Variants in APBB2 observed in about 807,000 individuals in gnomAD.
The protein encoded by APBB2 is amyloid beta precursor protein binding family B member 2, also known as Fe65-like 1.
In APBB2, 38 loss-of-function variants were observed where a neutral mutation model predicts 82.5. The observed-to-expected ratio is 0.46, with a 90% CI of 0.36 to 0.60. The LOEUF is 0.60. Ranked by LOEUF, APBB2 falls within the 20% of genes least tolerant of loss-of-function variation. The pLI, the probability that APBB2 is intolerant of heterozygous loss-of-function variation, is 0.00. For missense variants in APBB2, 772 were observed against 972.3 expected (o/e 0.79, Z 2.74); for synonymous variants, 341 against 368.2 (o/e 0.93, Z 0.85).
At chr4:41,096,402 T>C (rs1227954783) in intron 3 of APBB2, among the ~76,000 whole-genome samples, 3 of 152,216 alleles carry the variant, frequency 2.0e-5, no homozygotes, top group Non-Finnish European at 2.9e-5. Context: ...CTTCCAAACT[T>C]ACTTGGGCGA....
intron 10 of APBB2, among the ~76,000 whole-genome samples, chr4:40,898,920 G>A (rs533663193): frequency 6.6e-6 from 1 of 151,534 alleles, no homozygotes; most frequent in Non-Finnish European, 1.5e-5. Flanking sequence ...TGATTCAGTA[G>A]GTCTGGGTAG....
chr4:40,819,615 A>T (rs1747105184), intron 17 of APBB2, among the ~76,000 whole-genome samples: 1 of 152,150 alleles, frequency 6.6e-6, no homozygotes, highest in Admixed American at 6.5e-5. Flanking sequence ...ATCTCTTAAA[A>T]AAAATAAAAT....
At chr4:40,910,007 C>G (rs1236220154) in intron 10 of APBB2, among the ~76,000 whole-genome samples, 1 of 152,140 alleles carries the variant, frequency 6.6e-6, no homozygotes, top group Non-Finnish European at 1.5e-5. Flanking sequence ...AACAGCAGAG[C>G]TAGATTTGAT....
chr4:40,907,671 C>CTTT (rs34413606), intron 10 of APBB2, among the ~76,000 whole-genome samples: 1 of 94,856 alleles, frequency 1.1e-5, no homozygotes, highest in Admixed American at 1.3e-4. Context: ...GTGCCTGACC[C>CTTT]TTTTTTTTTT....
In APBB2 at chr4:41,026,101, C is replaced by T. The variant is rs533656521; in HGVS notation, c.19+7135G>A. Among the ~76,000 whole-genome samples, 42 of 152,080 alleles carry T rather than the reference C, an allele frequency of 2.8e-4. No homozygotes were observed. In the South Asian group the frequency reaches 6.9e-3, roughly 25 times the overall value. On this transcript the variant is annotated intron_variant, in intron 5 of 17. Transcript: ENST00000508593. Reference sequence around the variant, plus strand: ...AGAAAACTAATGCAGGAACAGAAAACCAAGTAGCACATTTTCTCTTATAAG... The same window carrying T: ...AGAAAACTAATGCAGGAACAGAAAATCAAGTAGCACATTTTCTCTTATAAG...
chr4:41,085,247 T>A, intron 3 of APBB2, among the ~76,000 whole-genome samples: 1 of 126,808 alleles, frequency 7.9e-6, no homozygotes. Flanking sequence ...TGAGACTCTG[T>A]CTCAAAAAAA....
intron 6 of APBB2, among the ~76,000 whole-genome samples, chr4:40,968,704 G>C (rs528568568): frequency 6.6e-6 from 1 of 152,204 alleles, no homozygotes; most frequent in South Asian, 2.1e-4. Context: ...GGAATCTCCT[G>C]TTTTTCTATC....
At position 41,014,044 on chromosome 4, in the gene APBB2, G is replaced by T. The variant is rs778442118; in HGVS notation, c.374C>A (p.Thr125Asn). 1 of 1,614,208 alleles carries T rather than the reference G, an allele frequency of 6.2e-7. No individual in the cohort carries two copies. Residue 125 changes from threonine to asparagine, a missense_variant, in exon 6 of 18, where the codon ACT becomes AAT. Coordinates refer to ENST00000508593, the MANE Select transcript of APBB2 (RefSeq NM_004307.2). The stretch of plus-strand genomic sequence containing the variant: ...CTCAGAAGTTATGTTGATGACTGCA[G>T]TGGGGCTCAGGTTTTTGTTGGGGTC... ...QQDPNKNLSP[T>N]AVINITSEKL... is the part of the protein sequence containing the mutation.
At chr4:40,825,093 T>A (rs765704169) in intron 15 of APBB2, among the ~76,000 whole-genome samples, 32 of 152,244 alleles carry the variant, frequency 2.1e-4, no homozygotes, top group Admixed American at 8.5e-4. Context: ...AAGTATCACA[T>A]CTTATTTATC....
At chr4:41,212,222 T>A (rs1002300286) in intron 1 of APBB2, among the ~76,000 whole-genome samples, 1 of 152,250 alleles carries the variant, frequency 6.6e-6, no homozygotes, top group Non-Finnish European at 1.5e-5. Flanking sequence ...AAATATTTTA[T>A]GTTTGTACAT....
intron 10 of APBB2, among the ~76,000 whole-genome samples, chr4:40,918,911 G>A (rs957870438): frequency 6.7e-6 from 1 of 150,312 alleles, no homozygotes. Context: ...ATGCCTGGCT[G>A]CAATTTCCAT....
At chr4:40,847,963 T>A (rs1293145826) in intron 12 of APBB2, among the ~76,000 whole-genome samples, 1 of 152,258 alleles carries the variant, frequency 6.6e-6, no homozygotes, top group South Asian at 2.1e-4. Context: ...TTTGCCATCA[T>A]ACCCGGCTAA....
chr4:41,195,976 C>G, intron 1 of APBB2, among the ~76,000 whole-genome samples: 1 of 152,126 alleles, frequency 6.6e-6, no homozygotes, highest in Non-Finnish European at 1.5e-5. Context: ...CTGGCTAACA[C>G]GGTGAAACCC....
intron 17 of APBB2, among the ~76,000 whole-genome samples, 198 bp from the exon 18 acceptor site, chr4:40,816,457 T>A (rs1745676670): frequency 1.3e-5 from 2 of 152,238 alleles, no homozygotes; most frequent in Admixed American, 1.3e-4. Context: ...CAAAGGGGTT[T>A]TGGCTTTTGC....
chr4:40,977,569 T>G (rs1797501474), intron 6 of APBB2, among the ~76,000 whole-genome samples: 1 of 152,170 alleles, frequency 6.6e-6, no homozygotes, highest in African/African-American at 2.4e-5. Context: ...CACTTCGGCC[T>G]CCCAAAGTGC....
At chr4:40,923,254 C>A (rs1035384685) in intron 10 of APBB2, among the ~76,000 whole-genome samples, 1 of 152,244 alleles carries the variant, frequency 6.6e-6, no homozygotes, top group African/African-American at 2.4e-5. Context: ...GGATTACAGG[C>A]GTGAGCCACG....
chr4:41,132,608 C>T (rs1488527202), intron 2 of APBB2, among the ~76,000 whole-genome samples: 1 of 152,204 alleles, frequency 6.6e-6, no homozygotes, highest in African/African-American at 2.4e-5. Flanking sequence ...TAAAGGTACA[C>T]CTTCAAACAC....
intron 2 of APBB2, among the ~76,000 whole-genome samples, chr4:41,102,503 T>C (rs949914771): frequency 3.9e-5 from 6 of 152,254 alleles, no homozygotes; most frequent in African/African-American, 1.4e-4. Context: ...AACTCGAATT[T>C]CATGTTTCTT....
At chr4:41,117,280 G>GTTA (rs1372300459) in intron 2 of APBB2, among the ~76,000 whole-genome samples, 5 of 143,608 alleles carry the variant, frequency 3.5e-5, no homozygotes, top group Non-Finnish European at 6.0e-5. Context: ...TATTATTGTT[G>GTTA]TTATTATTAT....
Sources: gnomAD v4.1 joint callset for allele counts (sites outside exome capture counted in the v4.1 genomes callset) on GRCh38, gnomAD v4.1.1 for gene constraint, MANE v1.5 for transcripts, NCBI Gene and HGNC (gene_info 2026-07-23, HGNC 2026-07-21) for gene names.